The following SNRPA1 variants were observed in gnomAD, a reference collection of about 807,000 sequenced individuals.
The protein encoded by SNRPA1 is U2 small nuclear ribonucleoprotein A'.
Under a neutral mutation model 32.3 loss-of-function variants are expected in SNRPA1, and 5 were observed. The observed-to-expected ratio is 0.15, with a 90% CI of 0.08 to 0.33. SNRPA1 has a LOEUF of 0.33. SNRPA1 is among the 10% of genes least tolerant of loss of function. The pLI is 1.00. For missense variants in SNRPA1, 198 were observed against 311.1 expected (o/e 0.64, Z 2.74); for synonymous variants, 111 against 120.1 (o/e 0.92, Z 0.50).
intron 6 of SNRPA1, 172 bp downstream of exon 6, chr15:101,286,041 GA>G (rs753267358): frequency 6.1e-6 from 4 of 653,816 alleles, no homozygotes; most frequent in Non-Finnish European, 2.7e-6. Flanking sequence ...TAAGCTGGTA[GA>G]AATTTCTTGT....
intron 7 of SNRPA1, 124 bp downstream of exon 7, chr15:101,285,602 T>C: frequency 4.5e-6 from 3 of 661,444 alleles, no homozygotes; most frequent in Non-Finnish European, 8.0e-6. Flanking sequence ...AACAGAAATA[T>C]TGCTGTATGC....
rs2039475225 is a variant in SNRPA1, at chr15:101,288,070, T to C, written c.310-368A>G. 3 of 225,956 alleles carry C rather than the reference T, an allele frequency of 1.3e-5. No homozygotes were observed. The South Asian group carries it at 2.0e-4, about 15-fold the overall frequency. 14.0% of individuals were successfully genotyped at this position (225,956 alleles called of 1,614,324 possible). ...CTGCAAGCCAGAATCTTGGTGTAAG[T>C]GGGCTTTCCTGCTAGCGCCAGCTTC... On this transcript the variant is annotated intron_variant, in intron 3 of 8. Transcript: ENST00000254193.
In SNRPA1 at chr15:101,287,015, A is replaced by C; in HGVS notation, c.357-5T>G. The C allele has an allele frequency of 6.6e-7, 1 of 1,521,936 alleles. No homozygotes were observed. The highest frequency in any genetic ancestry group is 9.1e-7 in the Non-Finnish European group (1 of 1,097,894). The allele number at this position is 1,521,936 out of a possible 1,614,324, so 94.3% of individuals were successfully genotyped here. ...GTTACCGGATTTCTTAGGATACTACAAGAAAAGGAATGACACAATGGCAAA... is the reference window on the plus strand; with the variant it reads ...GTTACCGGATTTCTTAGGATACTACCAGAAAAGGAATGACACAATGGCAAA... On this transcript the variant is annotated splice_region_variant and splice_polypyrimidine_tract_variant and intron_variant, in intron 4 of 8. Coordinates refer to ENST00000254193, the MANE Select transcript of SNRPA1 (RefSeq NM_003090.4).
At chr15:101,285,661 A>T in intron 7 of SNRPA1, 65 bp downstream of exon 7, 1 of 1,054,842 alleles carries the variant, frequency 9.5e-7, no homozygotes, top group Non-Finnish European at 1.5e-6. Context: ...CATGTTTATT[A>T]TCCAGCTTTG....
At chr15:101,286,376 A>G (rs1337161511) in intron 5 of SNRPA1, 83 bp from the exon 6 acceptor site, 3 of 1,267,044 alleles carry the variant, frequency 2.4e-6, no homozygotes, top group Non-Finnish European at 3.4e-6. Context: ...CATGGAAGCG[A>G]ACTCTCCTAC....
chr15:101,284,883 C>T lies in SNRPA1; in HGVS notation c.709+84G>A, dbSNP rs1054289358. On this transcript the variant is annotated intron_variant, in intron 8 of 8. Transcript: ENST00000254193. ...TGTAAGGAGGCACTACTCTGGCATTCCAGAGTCATGGCATCTAAATGGTTG... is the reference window on the plus strand; with the variant it reads ...TGTAAGGAGGCACTACTCTGGCATTTCAGAGTCATGGCATCTAAATGGTTG... The T allele has an allele frequency of 1.4e-5, 14 of 994,274 alleles. No homozygotes were observed. In the African/African-American group the frequency reaches 1.4e-4, roughly 10 times the overall value. The allele number at this position is 994,274 out of a possible 1,614,324, so 61.6% of individuals were successfully genotyped here.
chr15:101,285,697 C>T (rs758109748), intron 7 of SNRPA1, 29 bp downstream of exon 7: 3 of 1,489,066 alleles, frequency 2.0e-6, no homozygotes, highest in Admixed American at 1.7e-5. Flanking sequence ...TTAGCTCATT[C>T]CAGTCCAAGA....
At chr15:101,289,924 T>TAAAAAAAAAAA (rs2039500936) in intron 3 of SNRPA1, 1 of 41,288 alleles carries the variant, frequency 2.4e-5, no homozygotes, top group South Asian at 5.7e-4. Flanking sequence ...CCACTCCATC[T>TAAAAAAAAAAA]CAAAAAAAAA....
rs1214812378 is a variant in SNRPA1, at chr15:101,281,576, T to G, written c.*148A>C. ...AAAATTGACATTTAGATTTCAAAACTTATATTACAAAATTATCAGCAGCAG... is the reference window on the plus strand; with the variant it reads ...AAAATTGACATTTAGATTTCAAAACGTATATTACAAAATTATCAGCAGCAG... On this transcript the variant is annotated 3_prime_UTR_variant, in exon 9 of 9. Transcript: ENST00000254193. 1 of 612,238 alleles carries G rather than the reference T, an allele frequency of 1.6e-6. No homozygotes were observed. Among genetic ancestry groups the G allele is most frequent in the Non-Finnish European group, 3.0e-6 (1 of 337,770 alleles). 37.9% of individuals were successfully genotyped at this position (612,238 alleles called of 1,614,324 possible). A position where few individuals can be genotyped will look rare whatever the true frequency, so the allele number is the denominator to read the frequency against.
chr15:101,294,785 G>A (rs1457860727), intron 1 of SNRPA1: 3 of 345,416 alleles, frequency 8.7e-6, no homozygotes, highest in Non-Finnish European at 1.6e-5. Flanking sequence ...GCTCTTCCGG[G>A]CCCTCAAACA....
rs73485368 is a variant in SNRPA1 at position 101,286,667 on chromosome 15, C to T, written c.459+241G>A. ...ACAATCCACTGTTAAGACTGCTCACCGTGGCCTCAGCACTTTGCGAACTTC... is the reference window on the plus strand; with the variant it reads ...ACAATCCACTGTTAAGACTGCTCACTGTGGCCTCAGCACTTTGCGAACTTC... On this transcript the variant is annotated intron_variant, in intron 5 of 8. Transcript: ENST00000254193. 2,851 of 483,210 alleles carry T rather than the reference C, an allele frequency of 5.9e-3. 71 individuals carry two copies. Among genetic ancestry groups the T allele is most frequent in the African/African-American group, 0.048 (2,447 of 51,172 alleles). 29.9% of individuals were successfully genotyped at this position (483,210 alleles called of 1,614,324 possible).
At chr15:101,286,191 T>A in intron 6 of SNRPA1, 23 bp downstream of exon 6, 1 of 1,597,480 alleles carries the variant, frequency 6.3e-7, no homozygotes, top group Non-Finnish European at 8.6e-7. Context: ...GAAGTAGAGT[T>A]AAGTTGGATA....
chr15:101,294,651 T>TA (rs1596473767), intron 1 of SNRPA1, among the ~76,000 whole-genome samples: 2 of 152,182 alleles, frequency 1.3e-5, no homozygotes, highest in Admixed American at 6.5e-5. Flanking sequence ...TTCGGGGACT[T>TA]AGTTTCCTCC....
At chr15:101,293,873 C>T (rs907882961) in intron 1 of SNRPA1, among the ~76,000 whole-genome samples, 1 of 152,216 alleles carries the variant, frequency 6.6e-6, no homozygotes, top group Non-Finnish European at 1.5e-5. Flanking sequence ...ACTACACGTA[C>T]TGCATCAAAA....
rs754665870 is a variant in SNRPA1, at chr15:101,293,172, C to T, written c.83G>A (p.Gly28Glu). ...AVRDRELDLR[G>E]YKIPVIENLG... ...ATTTTCAATGACGGGAATTTTATAC[C>T]CTATAAAATGGAGGAAAAAAACACA... The change falls in exon 2 of 9, where the codon GGG (glycine) becomes GAG (glutamate). Residue 28 changes from glycine (G) to glutamate (E), a missense_variant and splice_region_variant. Physicochemically the swap from Gly to Glu is moderately conservative, Grantham distance 98. Around this residue, in one of 3 missense-constraint regions of SNRPA1, gnomAD observed 119 missense variants for 171.6 expected, o/e 0.69. Coordinates refer to ENST00000254193, the MANE Select transcript of SNRPA1 (RefSeq NM_003090.4). 4 of 1,591,990 alleles carry T rather than the reference C, an allele frequency of 2.5e-6. No homozygotes were observed. The highest frequency in any genetic ancestry group is 3.4e-6 in the Non-Finnish European group (4 of 1,167,608).
chr15:101,286,170 T>G (rs768025979), intron 6 of SNRPA1, 44 bp downstream of exon 6: 1 of 1,495,844 alleles, frequency 6.7e-7, no homozygotes, highest in Middle Eastern at 1.8e-4. Context: ...TCAGATCATG[T>G]TTCTGAAGGT....
chr15:101,283,691 A>C (rs2039422296), intron 8 of SNRPA1, among the ~76,000 whole-genome samples: 1 of 152,242 alleles, frequency 6.6e-6, no homozygotes, highest in South Asian at 2.1e-4. Flanking sequence ...CACGCCTGTA[A>C]TCCCAGCACT....
Position 101,287,826 on chromosome 15 carries a change from C to T in SNRPA1, c.310-124G>A, listed in dbSNP as rs60252364. 6.0e-3 allele frequency: 4,625 copies of T among 774,902 alleles called. 177 individuals carry two copies. The East Asian group carries it at 0.086, about 14-fold the overall frequency. The allele number at this position is 774,902 out of a possible 1,614,324, so 48.0% of individuals were successfully genotyped here. On this transcript the variant is annotated intron_variant, in intron 3 of 8. Coordinates refer to ENST00000254193, the MANE Select transcript of SNRPA1 (RefSeq NM_003090.4). Reference sequence around the variant, plus strand: ...TTACTGAATTTTTACTCTCTAGCAACAAGCCCAATACTAGCACATCACAAA... The same window carrying T: ...TTACTGAATTTTTACTCTCTAGCAATAAGCCCAATACTAGCACATCACAAA...
At chr15:101,289,589 C>G (rs1041393873) in intron 3 of SNRPA1, among the ~76,000 whole-genome samples, 3 of 152,016 alleles carry the variant, frequency 2.0e-5, no homozygotes, top group African/African-American at 7.3e-5. Context: ...TGTAAACAGA[C>G]TAAATATAAA....
Sources: allele counts gnomAD v4.1 joint callset (sites outside exome capture counted in the v4.1 genomes callset), GRCh38; gene constraint gnomAD v4.1.1; regional missense constraint gnomAD v4.1.1; transcripts MANE v1.5; gene names NCBI Gene and HGNC (gene_info 2026-07-23, HGNC 2026-07-21).